PRKN: variants seen among roughly 807,000 people sequenced by gnomAD.
The protein encoded by PRKN is E3 ubiquitin-protein ligase parkin.
A neutral mutation model predicts 59.5 loss-of-function variants in PRKN; 56 were observed. The ratio of observed to expected loss-of-function variants is 0.94; its 90% CI spans 0.76 to 1.18. PRKN has a LOEUF of 1.18. PRKN is among the 50% of genes most tolerant of loss of function. The pLI is 0.00. For missense variants in PRKN, 657 were observed against 596.4 expected, an observed-to-expected ratio of 1.10 and a Z score of -1.06; for synonymous variants, 250 against 222.1, an observed-to-expected ratio of 1.13 and a Z score of -1.12.
intron 4 of PRKN, among the ~76,000 whole-genome samples, chr6:162,124,990 A>G (rs942973069): frequency 2.0e-5 from 3 of 152,186 alleles, no homozygotes; most frequent in Admixed American, 2.0e-4. Flanking sequence ...AGTCAGGGTC[A>G]GTGGTGCCAA....
At chr6:162,364,737 TG>T (rs1441223410) in intron 2 of PRKN, among the ~76,000 whole-genome samples, 1 of 152,090 alleles carries the variant, frequency 6.6e-6, no homozygotes, top group Non-Finnish European at 1.5e-5. Flanking sequence ...GACATGGTTG[TG>T]GGGTGTGAAG....
rs58442098 is a variant in PRKN at position 161,842,349 on chromosome 6, G to A, written c.735-56441C>T. On this transcript the variant is annotated intron_variant, in intron 6 of 11. Coordinates refer to ENST00000366898, the MANE Select transcript of PRKN (RefSeq NM_004562.3). Reference sequence around the variant, plus strand: ...AAATACAAAATTTAGCTAGGCACCTGTAATCCCAGCTACTTGGGAGGCTGA... The same window carrying A: ...AAATACAAAATTTAGCTAGGCACCTATAATCCCAGCTACTTGGGAGGCTGA... 8.6e-3 allele frequency among the ~76,000 whole-genome samples: 1,301 copies of A among 151,734 alleles called. 24 individuals are homozygous for A. Among genetic ancestry groups the A allele is most frequent in the East Asian group, 0.074 (374 of 5,040 alleles).
At chr6:162,326,802 T>G (rs997629404) in intron 2 of PRKN, among the ~76,000 whole-genome samples, 2 of 152,180 alleles carry the variant, frequency 1.3e-5, no homozygotes, top group African/African-American at 4.8e-5. Flanking sequence ...CTATGCAATA[T>G]GCAATGAATC....
chr6:161,408,027 C>G (rs903000864), intron 9 of PRKN, among the ~76,000 whole-genome samples: 1 of 152,186 alleles, frequency 6.6e-6, no homozygotes, highest in African/African-American at 2.4e-5. Context: ...GAATAAACAG[C>G]TTTATTGCTC....
At chr6:161,595,631 T>G (rs1261715613) in intron 7 of PRKN, among the ~76,000 whole-genome samples, 4 of 152,172 alleles carry the variant, frequency 2.6e-5, no homozygotes, top group Admixed American at 2.6e-4. Context: ...TGTCAAGAGC[T>G]AGGCCTGGCA....
intron 6 of PRKN, among the ~76,000 whole-genome samples, chr6:161,953,970 C>T (rs905628963): frequency 6.6e-6 from 1 of 152,132 alleles, no homozygotes; most frequent in South Asian, 2.1e-4. Flanking sequence ...ACATTCCAAG[C>T]CTCTTCCCAC....
chr6:161,796,581 C>T (rs181084791), intron 6 of PRKN, among the ~76,000 whole-genome samples: 116 of 152,102 alleles, frequency 7.6e-4, no homozygotes, highest in Non-Finnish European at 1.2e-4. Flanking sequence ...GGGAGAAAAA[C>T]GCAGCTCATA....
chr6:162,569,822 G>A (rs1780241675), intron 1 of PRKN: 1 of 438,974 alleles, frequency 2.3e-6, no homozygotes, highest in Non-Finnish European at 4.3e-6. Context: ...GGGAATGGGA[G>A]ACCCACCTGA....
chr6:161,673,325 G>A (rs1784976623), intron 7 of PRKN, among the ~76,000 whole-genome samples: 1 of 152,168 alleles, frequency 6.6e-6, no homozygotes, highest in Non-Finnish European at 1.5e-5. Context: ...GAAGACCACT[G>A]ATGATAAAGT....
At chr6:161,943,205 TCTC>T (rs1269572749) in intron 6 of PRKN, among the ~76,000 whole-genome samples, 2 of 152,286 alleles carry the variant, frequency 1.3e-5, no homozygotes, top group Non-Finnish European at 2.9e-5. Flanking sequence ...ATATTACAAT[TCTC>T]CTCCCAACAT....
At position 161,874,506 on chromosome 6, in the gene PRKN, A is replaced by T. The variant is rs1445189172; in HGVS notation, c.735-88598T>A. ...ATATATATTATATGTAAAATATATT[A>T]TATGTAAAATATATATTATATGTAA... On this transcript the variant is annotated intron_variant, in intron 6 of 11. Coordinates refer to ENST00000366898, the MANE Select transcript of PRKN (RefSeq NM_004562.3). Among the ~76,000 whole-genome samples the T allele has an allele frequency of 5.4e-4, 49 of 91,454 alleles. 2 individuals carry two copies. Among genetic ancestry groups the T allele is most frequent in the African/African-American group, 1.2e-3 (22 of 18,864 alleles). 60.0% of individuals were successfully genotyped at this position (91,454 alleles called of 152,430 possible). A position where few individuals can be genotyped will look rare whatever the true frequency, so the allele number is the denominator to read the frequency against.
At chr6:162,431,958 T>A (rs1363762023) in intron 2 of PRKN, among the ~76,000 whole-genome samples, 1 of 152,234 alleles carries the variant, frequency 6.6e-6, no homozygotes, top group Non-Finnish European at 1.5e-5. Context: ...ATGGTTTTAA[T>A]AAACTGAAAT....
chr6:162,035,232 G>A (rs1049217855), intron 5 of PRKN, among the ~76,000 whole-genome samples: 1 of 152,142 alleles, frequency 6.6e-6, no homozygotes, highest in African/African-American at 2.4e-5. Context: ...CTCATCAAGT[G>A]AGAATTCACT....
chr6:162,048,776 T>C lies in PRKN; in HGVS notation c.618+5315A>G, dbSNP rs115234534. On this transcript the variant is annotated intron_variant, in intron 5 of 11. Transcript: ENST00000366898. ...GTTTACAAATTTGTGTTGGGCCACATTCAAAGCTATCCTGGGCTGCATACG... is the reference window on the plus strand; with the variant it reads ...GTTTACAAATTTGTGTTGGGCCACACTCAAAGCTATCCTGGGCTGCATACG... Among the ~76,000 whole-genome samples the C allele has an allele frequency of 3.0e-3, 460 of 151,164 alleles. 1 individual carries two copies. Among genetic ancestry groups the C allele is most frequent in the African/African-American group, 0.011 (445 of 41,224 alleles).
rs79628474 is a variant in PRKN, at chr6:162,282,676, C to T, written c.172-19911G>A. Among the ~76,000 whole-genome samples, 13 of 152,104 alleles carry T rather than the reference C, an allele frequency of 8.5e-5. No homozygotes were observed. The East Asian group carries it at 1.3e-3, about 16-fold the overall frequency. On this transcript the variant is annotated intron_variant, in intron 2 of 11. Coordinates refer to ENST00000366898, the MANE Select transcript of PRKN (RefSeq NM_004562.3). ...CATTTGTTATAACTCTAGAAGTACA[C>T]GGAAAAGAAGGCGGTCTATTTTTTA...
chr6:161,986,353 T>G (rs1339676404), intron 5 of PRKN, among the ~76,000 whole-genome samples: 4 of 152,194 alleles, frequency 2.6e-5, no homozygotes, highest in Non-Finnish European at 5.9e-5. Context: ...AGCTTGTTCT[T>G]GAATTCTTTC....
chr6:162,445,528 A>T (rs555947066), intron 1 of PRKN, among the ~76,000 whole-genome samples: 9 of 151,664 alleles, frequency 5.9e-5, no homozygotes, highest in African/African-American at 2.2e-4. Flanking sequence ...CTCTACAAAA[A>T]ATTTTTTTAA....
At chr6:162,521,535 G>C (rs558231980) in intron 1 of PRKN, among the ~76,000 whole-genome samples, 139 of 152,196 alleles carry the variant, frequency 9.1e-4, no homozygotes, top group African/African-American at 3.2e-3. Flanking sequence ...GAGCTTAAAT[G>C]TATTATAACC....
intron 5 of PRKN, among the ~76,000 whole-genome samples, chr6:162,038,800 CAATGCCTTGGGCATG>C (rs1004526319): frequency 1.5e-4 from 23 of 152,140 alleles, no homozygotes; most frequent in Non-Finnish European, 2.9e-5. Context: ...AACTTCATTT[CAATGCCTTGGGCATG>C]ACCAAGTTGT....
Sources: allele counts gnomAD v4.1 joint callset (sites outside exome capture counted in the v4.1 genomes callset), GRCh38; gene constraint gnomAD v4.1.1; transcripts MANE v1.5; gene names NCBI Gene and HGNC (gene_info 2026-07-23, HGNC 2026-07-21).